The following UBAC2 variants were observed in gnomAD, a reference collection of about 807,000 sequenced individuals.
The protein encoded by UBAC2 is UBA domain containing 2.
UBAC2 carries 26 observed loss-of-function variants against 44.0 expected under a neutral mutation model. The ratio of observed to expected loss-of-function variants is 0.59; its 90% CI spans 0.43 to 0.82. The LOEUF is 0.82. Among genes scored for constraint, UBAC2 ranks in the 40% least tolerant of loss-of-function variants. The probability of loss-of-function intolerance (pLI) is 0.00; values close to 1 mark genes in which losing one functional copy is unlikely to be tolerated. For synonymous variants in UBAC2, 155 were observed against 154.3 expected, an observed-to-expected ratio of 1.00 and a Z score of -0.04; for missense variants, 329 against 419.4, an observed-to-expected ratio of 0.78 and a Z score of 1.88.
intron 8 of UBAC2, among the ~76,000 whole-genome samples, chr13:99,370,599 G>A (rs1163268880): frequency 2.0e-5 from 3 of 152,136 alleles, no homozygotes; most frequent in Non-Finnish European, 2.9e-5. Context: ...CAAATGCCAC[G>A]CACCTGCCTC....
intron 6 of UBAC2, among the ~76,000 whole-genome samples, chr13:99,318,574 A>T (rs562580801): frequency 6.6e-6 from 1 of 150,486 alleles, no homozygotes; most frequent in East Asian, 2.0e-4. Flanking sequence ...TAATCCCAGC[A>T]CTCTGGGAGG....
chr13:99,257,605 T>G lies in UBAC2; in HGVS notation c.389+12981T>G, dbSNP rs2043587569. On this transcript the variant is annotated intron_variant, in intron 4 of 8. Coordinates refer to ENST00000403766, the MANE Select transcript of UBAC2 (RefSeq NM_001144072.2). ...AGGCATTATAGTATTGATTGTGCTC[T>G]GCAAACACAGAAATTTTTGGATAAA... Among the ~76,000 whole-genome samples the G allele has an allele frequency of 3.3e-5, 5 of 152,350 alleles. No homozygotes were observed. In the South Asian group the frequency reaches 1.0e-3, roughly 32 times the overall value.
At chr13:99,270,339 A>G (rs1458178733) in intron 4 of UBAC2, among the ~76,000 whole-genome samples, 3 of 152,230 alleles carry the variant, frequency 2.0e-5, no homozygotes, top group African/African-American at 7.2e-5. Context: ...GAAGTCTTAT[A>G]TGAACCACAG....
intron 4 of UBAC2, among the ~76,000 whole-genome samples, chr13:99,309,738 C>T (rs2044387548): frequency 6.6e-6 from 1 of 152,012 alleles, no homozygotes; most frequent in East Asian, 1.9e-4. Flanking sequence ...GTAGCTGGGG[C>T]TACAGGCACA....
intron 4 of UBAC2, among the ~76,000 whole-genome samples, chr13:99,306,323 A>G (rs965560724): frequency 3.3e-5 from 5 of 152,260 alleles, no homozygotes; most frequent in East Asian, 1.9e-4. Flanking sequence ...ATGAGAGGCA[A>G]TGTTGTAAGG....
chr13:99,227,088 C>T (rs920916172), intron 1 of UBAC2, among the ~76,000 whole-genome samples: 10 of 151,924 alleles, frequency 6.6e-5, no homozygotes, highest in African/African-American at 2.2e-4. Context: ...ATCCCAGCTA[C>T]TCGGGAGGCT....
intron 4 of UBAC2, among the ~76,000 whole-genome samples, chr13:99,246,220 C>T (rs1027264781): frequency 6.6e-5 from 10 of 152,092 alleles, no homozygotes; most frequent in Non-Finnish European, 1.5e-5. Context: ...GAATGTTGAC[C>T]TTTAGCTCTT....
chr13:99,238,530 T>C lies in UBAC2; in HGVS notation c.135T>C (p.Leu45=). Residue 45 remains leucine (L), a synonymous_variant, in exon 2 of 9, where the codon CTT becomes CTC. Transcript: ENST00000403766. Reference sequence around the variant, plus strand: ...GCCAGAAGCTCTTTGTGTATGACCTTCACGCAGTCAAGAACGACTTCCAGG... The same window carrying C: ...GCCAGAAGCTCTTTGTGTATGACCTCCACGCAGTCAAGAACGACTTCCAGG... The part of the protein sequence containing the change: ...PHCQKLFVYD[L]HAVKNDFQIW... 1 of 1,611,462 alleles carries C rather than the reference T, an allele frequency of 6.2e-7. No homozygotes were observed.
chr13:99,255,783 G>A (rs1594055305), intron 4 of UBAC2: 1 of 1,613,160 alleles, frequency 6.2e-7, no homozygotes, highest in Non-Finnish European at 8.5e-7. Flanking sequence ...TGAAGATACA[G>A]CTATAGAAGA....
intron 1 of UBAC2, among the ~76,000 whole-genome samples, chr13:99,213,765 C>T (rs753082169): frequency 2.6e-5 from 4 of 152,008 alleles, no homozygotes; most frequent in Non-Finnish European, 5.9e-5. Context: ...ATCTTTAACC[C>T]CATTTTAAAG....
intron 6 of UBAC2, among the ~76,000 whole-genome samples, chr13:99,326,281 C>T (rs571672658): frequency 1.3e-5 from 2 of 152,234 alleles, no homozygotes; most frequent in South Asian, 4.2e-4. Flanking sequence ...TTGCATTTCC[C>T]TGATGATTAG....
intron 6 of UBAC2, among the ~76,000 whole-genome samples, chr13:99,318,645 C>T (rs879940081): frequency 2.1e-4 from 31 of 150,480 alleles, no homozygotes; most frequent in Non-Finnish European, 4.0e-4. Flanking sequence ...ATGATGAAAC[C>T]CCATCTCTGC....
At chr13:99,245,592 G>A (rs2043373818) in intron 4 of UBAC2, among the ~76,000 whole-genome samples, 1 of 152,152 alleles carries the variant, frequency 6.6e-6, no homozygotes, top group South Asian at 2.1e-4. Context: ...GGTGGCTCAT[G>A]CCACCTTTGG....
intron 1 of UBAC2, among the ~76,000 whole-genome samples, chr13:99,228,220 G>T (rs909449736): frequency 2.0e-5 from 3 of 152,112 alleles, no homozygotes; most frequent in Non-Finnish European, 4.4e-5. Context: ...AAAGGAGCTT[G>T]CCTTTAATGG....
intron 4 of UBAC2, among the ~76,000 whole-genome samples, chr13:99,293,760 AC>A (rs1566488495): frequency 6.6e-6 from 1 of 152,258 alleles, no homozygotes; most frequent in Non-Finnish European, 1.5e-5. Context: ...TAATTTTCAT[AC>A]AGAGTAAAAG....
intron 2 of UBAC2, 53 bp downstream of exon 2, chr13:99,238,607 T>C (rs1219583428): frequency 4.3e-5 from 62 of 1,440,420 alleles, no homozygotes; most frequent in Non-Finnish European, 5.6e-5. Flanking sequence ...TTTTTTTTTT[T>C]CTTTCTAGAT....
chr13:99,300,510 C>T (rs2138729786), intron 4 of UBAC2, among the ~76,000 whole-genome samples: 2 of 152,314 alleles, frequency 1.3e-5, no homozygotes, highest in South Asian at 4.1e-4. Context: ...CTATCCCATT[C>T]TTATATCAGC....
intron 1 of UBAC2, among the ~76,000 whole-genome samples, chr13:99,235,428 A>T (rs1466296562): frequency 1.3e-5 from 2 of 152,226 alleles, no homozygotes; most frequent in African/African-American, 4.8e-5. Context: ...TAGAAAAAAA[A>T]ATCCTAAGAT....
At chr13:99,240,858 G>A (rs2043291370) in intron 2 of UBAC2, among the ~76,000 whole-genome samples, 2 of 152,240 alleles carry the variant, frequency 1.3e-5, no homozygotes, top group Non-Finnish European at 2.9e-5. Context: ...TATGTGACAG[G>A]TTTTGACAGT....
Sources: gnomAD v4.1 joint callset for allele counts (sites outside exome capture counted in the v4.1 genomes callset) on GRCh38, gnomAD v4.1.1 for gene constraint, MANE v1.5 for transcripts, NCBI Gene and HGNC (gene_info 2026-07-23, HGNC 2026-07-21) for gene names.